The following SEC14L1 variants were observed in gnomAD, a reference collection of about 807,000 sequenced individuals.
SEC14L1 encodes SEC14 like lipid binding 1, also known as SEC14-like protein 1.
In SEC14L1, 48 loss-of-function variants were observed where a neutral mutation model predicts 85.3. The observed-to-expected ratio is 0.56, with a 90% CI of 0.45 to 0.72. The LOEUF (loss-of-function observed/expected upper bound fraction) is 0.72. Among genes scored for constraint, SEC14L1 ranks in the 30% least tolerant of loss-of-function variants. SEC14L1 has a pLI of 0.00. For synonymous variants in SEC14L1, 391 were observed against 355.5 expected, an observed-to-expected ratio of 1.10 and a Z score of -1.12; for missense variants, 682 against 921.4, an observed-to-expected ratio of 0.74 and a Z score of 3.36.
intron 3 of SEC14L1, among the ~76,000 whole-genome samples, chr17:77,176,626 G>A (rs1275895433): frequency 1.3e-5 from 2 of 152,182 alleles, no homozygotes; most frequent in Non-Finnish European, 2.9e-5. Context: ...TCGCTCTGTT[G>A]TCCAGGCTGG....
chr17:77,194,976 C>A, intron 7 of SEC14L1, 65 bp downstream of exon 7: 1 of 1,171,140 alleles, frequency 8.5e-7, no homozygotes. Flanking sequence ...CGTTTTCTCT[C>A]TGTTTGCTCT....
chr17:77,109,792 T>C (rs1972008429), intron 3 of SEC14L1, among the ~76,000 whole-genome samples: 2 of 152,244 alleles, frequency 1.3e-5, no homozygotes, highest in African/African-American at 4.8e-5. Context: ...CTACCAGTAC[T>C]TAGCATCTAC....
intron 3 of SEC14L1, among the ~76,000 whole-genome samples, chr17:77,186,153 C>A (rs1567917120): frequency 6.6e-6 from 1 of 152,160 alleles, no homozygotes; most frequent in African/African-American, 2.4e-5. Context: ...TCCCTCCATC[C>A]CAGCTCCTGG....
At chr17:77,197,285 G>T (rs1424387911) in intron 8 of SEC14L1, among the ~76,000 whole-genome samples, 2 of 152,182 alleles carry the variant, frequency 1.3e-5, no homozygotes, top group Non-Finnish European at 2.9e-5. Flanking sequence ...GGCCACGGAG[G>T]AAGACACTTG....
chr17:77,200,407 G>A (rs1279201339), intron 8 of SEC14L1, 77 bp from the exon 9 acceptor site: 12 of 1,159,120 alleles, frequency 1.0e-5, no homozygotes, highest in East Asian at 4.7e-5. Flanking sequence ...GAGCTCAAGC[G>A]ATCCGTCCAC....
Position 77,104,120 on chromosome 17 carries a change from C to CTT in SEC14L1, c.-136+10790_-136+10791dup, listed in dbSNP as rs1182648184. Among the ~76,000 whole-genome samples, 240 of 134,860 alleles carry CTT rather than the reference C, an allele frequency of 1.8e-3. 1 individual carries two copies. The highest frequency in any genetic ancestry group is 6.0e-3 in the African/African-American group (215 of 35,990). The allele number at this position is 134,860 out of a possible 152,430, so 88.5% of individuals were successfully genotyped here. A position where few individuals can be genotyped will look rare whatever the true frequency, so the allele number is the denominator to read the frequency against. On this transcript the variant is annotated intron_variant, in intron 3 of 19. Coordinates refer to the SEC14L1 transcript ENST00000392476. ...TCCAAAGGACTCTTTTTTGTATTTA[C>CTT]TTTTTTTTTTTTTTTTTTGAGACAG... is the stretch of plus-strand genomic sequence containing the variant.
chr17:77,175,708 G>A (rs1974722482), intron 3 of SEC14L1, among the ~76,000 whole-genome samples: 1 of 152,116 alleles, frequency 6.6e-6, no homozygotes, highest in South Asian at 2.1e-4. Context: ...TTCTCCCTGT[G>A]TTGAGGGAGT....
At chr17:77,090,969 CAAA>C (rs760589758) in intron 2 of SEC14L1, among the ~76,000 whole-genome samples, 14 of 89,668 alleles carry the variant, frequency 1.6e-4, no homozygotes, top group Non-Finnish European at 1.4e-4. Flanking sequence ...GACCCTGTCT[CAAA>C]AAAAAAAAAA....
At chr17:77,139,080 T>C (rs1972880910), upstream of SEC14L1, among the ~76,000 whole-genome samples, 1 of 152,216 alleles carries the variant, frequency 6.6e-6, no homozygotes. Context: ...TTGTTTTTCA[T>C]GGTGTCATTT....
chr17:77,151,980 A>T (rs1258031653), intron 3 of SEC14L1, among the ~76,000 whole-genome samples: 1 of 151,908 alleles, frequency 6.6e-6, no homozygotes, highest in Non-Finnish European at 1.5e-5. Context: ...TGCTTATATT[A>T]TTTTTATTTT....
chr17:77,214,867 G>A lies in SEC14L1; in HGVS notation c.*844G>A. The A allele has an allele frequency of 1.0e-6, 1 of 985,360 alleles. No homozygotes were observed. Among genetic ancestry groups the A allele is most frequent in the Non-Finnish European group, 1.2e-6 (1 of 829,960 alleles). The allele number at this position is 985,360 out of a possible 1,614,324, so 61.0% of individuals were successfully genotyped here. ...TAGGCCATCTCCTCTGTGCCCTCTG[G>A]TGGCTCATTGTCCTCAGAGCCCAGA... On this transcript the variant is annotated 3_prime_UTR_variant, in exon 17 of 17. Transcript: ENST00000436233.
At chr17:77,149,862 T>G (rs1158263093) in intron 3 of SEC14L1, among the ~76,000 whole-genome samples, 1 of 152,050 alleles carries the variant, frequency 6.6e-6, no homozygotes, top group African/African-American at 2.4e-5. Context: ...TTGTGTTTTT[T>G]TTTTTTTTTT....
chr17:77,190,731 G>C, intron 3 of SEC14L1, 72 bp from the exon 4 acceptor site: 1 of 1,532,010 alleles, frequency 6.5e-7, no homozygotes, highest in African/African-American at 1.4e-5. Flanking sequence ...GTTCCAGGGA[G>C]AACACAGTCA....
intron 13 of SEC14L1, among the ~76,000 whole-genome samples, chr17:77,207,175 AT>A (rs1976504310): frequency 6.6e-6 from 1 of 152,132 alleles, no homozygotes; most frequent in Non-Finnish European, 1.5e-5. Context: ...GAGCTGTCAT[AT>A]TTTCTAAAAT....
chr17:77,116,919 G>T (rs1043009219), intron 3 of SEC14L1, among the ~76,000 whole-genome samples: 1 of 152,186 alleles, frequency 6.6e-6, no homozygotes, highest in Non-Finnish European at 1.5e-5. Flanking sequence ...TTTGGACCAT[G>T]ATTCCAGGCG....
chr17:77,133,617 A>G (rs1169764021), intron 3 of SEC14L1, among the ~76,000 whole-genome samples: 3 of 152,148 alleles, frequency 2.0e-5, no homozygotes, highest in Non-Finnish European at 4.4e-5. Flanking sequence ...GAGAGGCGAC[A>G]ACAGACAGGT....
intron 3 of SEC14L1, among the ~76,000 whole-genome samples, chr17:77,108,718 G>A (rs1473138912): frequency 7.1e-6 from 1 of 140,934 alleles, no homozygotes; most frequent in Non-Finnish European, 1.5e-5. Context: ...CAGTGTGGCC[G>A]ACAGAGCCAG....
chr17:77,120,290 G>A (rs569003818), intron 3 of SEC14L1, among the ~76,000 whole-genome samples: 7 of 152,180 alleles, frequency 4.6e-5, no homozygotes, highest in Admixed American at 6.6e-5. Flanking sequence ...CGTTCTAACC[G>A]CCTTGTTTTG....
chr17:77,117,974 G>C (rs770369138), intron 3 of SEC14L1, among the ~76,000 whole-genome samples: 2 of 152,250 alleles, frequency 1.3e-5, no homozygotes, highest in Non-Finnish European at 2.9e-5. Context: ...AGGACTGGGA[G>C]CCCAAGGCTT....
Sources: allele counts gnomAD v4.1 joint callset (sites outside exome capture counted in the v4.1 genomes callset), GRCh38; gene constraint gnomAD v4.1.1; transcripts MANE v1.5; gene names NCBI Gene and HGNC (gene_info 2026-07-23, HGNC 2026-07-21).